The following NEK1 variants were observed in gnomAD, a reference collection of about 807,000 sequenced individuals.
NEK1 encodes the protein serine/threonine-protein kinase Nek1.
In NEK1, 137 loss-of-function variants were observed where a neutral mutation model predicts 182.1. That is an observed-to-expected ratio of 0.75 (90% CI 0.65 to 0.87). The LOEUF is 0.87. Among genes scored for constraint, NEK1 ranks in the 40% least tolerant of loss-of-function variants. The pLI, the probability that NEK1 is intolerant of heterozygous loss-of-function variation, is 0.00. For missense variants in NEK1, 1,391 were observed against 1,494.4 expected, an observed-to-expected ratio of 0.93 and a Z score of 1.14; for synonymous variants, 513 against 492.2, an observed-to-expected ratio of 1.04 and a Z score of -0.56.
At chr4:169,573,598 T>C (rs747103609) in intron 12 of NEK1, among the ~76,000 whole-genome samples, 2 of 152,056 alleles carry the variant, frequency 1.3e-5, no homozygotes, top group African/African-American at 2.4e-5. Context: ...TAAATGAATA[T>C]GGAATTTAAG....
At chr4:169,507,182 G>GTTTT in intron 22 of NEK1, 50 bp from the exon 23 acceptor site, 1 of 853,048 alleles carries the variant, frequency 1.2e-6, no homozygotes, top group Non-Finnish European at 1.7e-6. Context: ...GAAGGGCAGA[G>GTTTT]GTTTTTTTTT....
At chr4:169,395,076 TTACTATTTATAG>T (rs1730462694) in intron 35 of NEK1, among the ~76,000 whole-genome samples, 1 of 152,342 alleles carries the variant, frequency 6.6e-6, no homozygotes, top group East Asian at 1.9e-4. Context: ...TAACTAACCA[TTACTATTTATAG>T]ACATTTTTGT....
intron 26 of NEK1, among the ~76,000 whole-genome samples, chr4:169,473,347 C>T (rs1004834159): frequency 4.0e-5 from 6 of 151,400 alleles, no homozygotes; most frequent in Non-Finnish European, 7.4e-5. Flanking sequence ...CTGGGGACTC[C>T]AAAAGGGGAG....
chr4:169,443,602 G>A (rs1483603080), intron 27 of NEK1, among the ~76,000 whole-genome samples: 1 of 151,824 alleles, frequency 6.6e-6, no homozygotes, highest in Non-Finnish European at 1.5e-5. Flanking sequence ...CAAGGACATA[G>A]AAAATTTCTC....
chr4:169,478,733 T>C (rs1209279265), intron 24 of NEK1, among the ~76,000 whole-genome samples: 1 of 152,132 alleles, frequency 6.6e-6, no homozygotes, highest in Admixed American at 6.6e-5. Flanking sequence ...TGTTATCTGA[T>C]TCAGTAGACT....
intron 19 of NEK1, among the ~76,000 whole-genome samples, chr4:169,534,832 G>C (rs1177680658): frequency 6.6e-6 from 1 of 151,918 alleles, no homozygotes; most frequent in African/African-American, 2.4e-5. Flanking sequence ...TACCAGACAT[G>C]TAAAGAAAAA....
At chr4:169,479,038 T>C (rs1357200094) in intron 24 of NEK1, among the ~76,000 whole-genome samples, 1 of 152,190 alleles carries the variant, frequency 6.6e-6, no homozygotes, top group Admixed American at 6.6e-5. Flanking sequence ...TACCTAGAGC[T>C]ACTTTAGCAC....
intron 5 of NEK1, 43 bp from the exon 6 acceptor site, chr4:169,590,852 TA>T (rs1428680640): frequency 1.5e-6 from 2 of 1,295,826 alleles, no homozygotes; most frequent in Non-Finnish European, 2.2e-6. Flanking sequence ...CTTTGACCAT[TA>T]AAAGAATTCA....
chr4:169,493,179 T>C (rs145745584), intron 23 of NEK1, among the ~76,000 whole-genome samples: 35 of 152,124 alleles, frequency 2.3e-4, no homozygotes, highest in African/African-American at 8.2e-4. Context: ...CAAACCTACC[T>C]GCAACCAAAA....
chr4:169,492,938 G>A (rs191585262), intron 23 of NEK1, among the ~76,000 whole-genome samples: 103 of 152,314 alleles, frequency 6.8e-4, no homozygotes, highest in African/African-American at 2.4e-3. Context: ...GGAGAAGGGG[G>A]TCATCTCTCA....
intron 12 of NEK1, among the ~76,000 whole-genome samples, chr4:169,563,334 C>T (rs1365905140): frequency 1.3e-5 from 2 of 151,548 alleles, no homozygotes; most frequent in African/African-American, 4.9e-5. Context: ...ATACTCCAGC[C>T]TGACAGAGCG....
At chr4:169,599,972 C>T (rs72974770) in intron 4 of NEK1, among the ~76,000 whole-genome samples, 18,526 of 151,948 alleles carry the variant, frequency 0.12, 1,256 homozygotes, top group East Asian at 0.17. Context: ...GGGAACCTCT[C>T]GCCTCAGCCT....
At chr4:169,579,824 C>T (rs531056767) in intron 11 of NEK1, among the ~76,000 whole-genome samples, 1 of 151,916 alleles carries the variant, frequency 6.6e-6, no homozygotes, top group African/African-American at 2.4e-5. Flanking sequence ...TGCAGCTTGC[C>T]TTCCTGAGAA....
At chr4:169,506,556 C>G (rs987156572) in intron 23 of NEK1, 1 of 152,236 alleles carries the variant, frequency 6.6e-6, no homozygotes, top group Non-Finnish European at 1.5e-5. Context: ...AGTTTGAGAC[C>G]TGCCTGGCCA....
rs1483135255 is a variant in NEK1, at chr4:169,518,299, G to A, written c.1666-9447C>T. 2.6e-3 allele frequency among the ~76,000 whole-genome samples: 125 copies of A among 48,546 alleles called. 1 individual carries two copies. Among genetic ancestry groups the A allele is most frequent in the African/African-American group, 0.015 (114 of 7,540 alleles). 31.8% of individuals were successfully genotyped at this position (48,546 alleles called of 152,430 possible). On this transcript the variant is annotated intron_variant, in intron 19 of 35. Coordinates refer to ENST00000507142, the MANE Select transcript of NEK1 (RefSeq NM_001199397.3). ...TTTTCTAGTTTATTTGCGTAGAGGT[G>A]TTTGTAGTATTCTCTGATGGTAGTT...
intron 27 of NEK1, among the ~76,000 whole-genome samples, chr4:169,446,479 T>C (rs1012095201): frequency 4.0e-5 from 6 of 151,864 alleles, no homozygotes; most frequent in Non-Finnish European, 7.4e-5. Context: ...ACAATAAATA[T>C]CAAATTCTTC....
chr4:169,423,375 T>TTCTA (rs1357498445), intron 31 of NEK1, among the ~76,000 whole-genome samples: 1 of 152,152 alleles, frequency 6.6e-6, no homozygotes, highest in Non-Finnish European at 1.5e-5. Context: ...AGTGCTGGGA[T>TTCTA]TCTAGGTATG....
intron 2 of NEK1, among the ~76,000 whole-genome samples, chr4:169,604,607 A>G (rs1482272635): frequency 2.0e-5 from 3 of 152,204 alleles, no homozygotes; most frequent in Non-Finnish European, 4.4e-5. Context: ...GTAAATTAAA[A>G]AATCCATGTT....
intron 26 of NEK1, among the ~76,000 whole-genome samples, chr4:169,465,416 T>C (rs776890765): frequency 6.6e-6 from 1 of 151,964 alleles, no homozygotes; most frequent in Non-Finnish European, 1.5e-5. Flanking sequence ...AATGGGAGTC[T>C]AGGGAGGCCA....
Sources: gnomAD v4.1 joint callset for allele counts (sites outside exome capture counted in the v4.1 genomes callset) on GRCh38, gnomAD v4.1.1 for gene constraint, MANE v1.5 for transcripts, NCBI Gene and HGNC (gene_info 2026-07-23, HGNC 2026-07-21) for gene names.